CXXC1: variants seen among roughly 807,000 people sequenced by gnomAD.
CXXC1 encodes CXXC-type zinc finger protein 1.
A neutral mutation model predicts 83.6 loss-of-function variants in CXXC1; 21 were observed. The ratio of observed to expected loss-of-function variants is 0.25; its 90% CI spans 0.18 to 0.36. CXXC1 has a LOEUF of 0.36. Ranked by LOEUF, CXXC1 falls within the 10% of genes least tolerant of loss-of-function variation. The probability of loss-of-function intolerance (pLI) is 1.00; values close to 1 mark genes in which losing one functional copy is unlikely to be tolerated. For synonymous variants in CXXC1, 371 were observed against 337.5 expected (o/e 1.10, Z -1.09); for missense variants, 688 against 919.5 (o/e 0.75, Z 3.26).
Position 50,283,692 on chromosome 18 carries a change from C to CT in CXXC1, c.1524+12dup. ...TTCCCACATGGTCCGCCCCCTCAGT[C>CT]TGACACCCCAACCTTGGCGTAGCAG... On this transcript the variant is annotated intron_variant, in intron 11 of 14. Coordinates refer to ENST00000285106, the MANE Select transcript of CXXC1 (RefSeq NM_014593.4). 6.2e-7 allele frequency: 1 copy of CT among 1,613,880 alleles called. No homozygotes were observed. The highest frequency in any genetic ancestry group is 8.5e-7 in the Non-Finnish European group (1 of 1,179,756).
chr18:50,283,631 C>T, intron 11 of CXXC1, 67 bp from the exon 12 acceptor site: 1 of 1,609,758 alleles, frequency 6.2e-7, no homozygotes, highest in South Asian at 1.1e-5. Context: ...AGACACCACC[C>T]AGACAACAAA....
Position 50,285,991 on chromosome 18 carries a change from A to G in CXXC1, c.459+31T>C. The G allele has an allele frequency of 1.9e-6, 3 of 1,613,850 alleles. No homozygotes were observed. The highest frequency in any genetic ancestry group is 2.5e-6 in the Non-Finnish European group (3 of 1,179,952). The stretch of plus-strand genomic sequence containing the variant: ...GGCAGGGCTGAAACGGAACCACTTT[A>G]CACATCCATTCACTTTATGCAGCCA... On this transcript the variant is annotated intron_variant, in intron 4 of 14. Coordinates refer to ENST00000285106, the MANE Select transcript of CXXC1 (RefSeq NM_014593.4). The surrounding 1 kb of genome is among the most constrained non-coding windows in gnomAD (Gnocchi z 4.4).
chr18:50,287,181 C>CCA (rs1159635051), intron 1 of CXXC1: 1 of 516,546 alleles, frequency 1.9e-6, no homozygotes, highest in Non-Finnish European at 3.5e-6. Flanking sequence ...TCGCGGTTCT[C>CCA]CACGCACCCC....
rs754345434 is a variant in CXXC1 at position 50,283,572 on chromosome 18, G to A, written c.1525-8C>T. On this transcript the variant is annotated splice_region_variant and splice_polypyrimidine_tract_variant and intron_variant, in intron 11 of 14. Transcript: ENST00000285106. The stretch of plus-strand genomic sequence containing the variant: ...GGACGTCTGGCTCTCATACTGGAGG[G>A]ATGAGCACAAATGGAGGGAACTGTG... 1.2e-6 allele frequency: 2 copies of A among 1,613,946 alleles called. No homozygotes were observed. Among genetic ancestry groups the A allele is most frequent in the South Asian group, 1.1e-5 (1 of 91,060 alleles).
At position 50,286,761 on chromosome 18, in the gene CXXC1, G is replaced by C; in HGVS notation, c.101C>G (p.Pro34Arg). ...TCACATCATGAAGCAGTTGATGTCCGGTTTGCGGCAGATGCAGTAGATGGG... is the reference window on the plus strand; with the variant it reads ...TCACATCATGAAGCAGTTGATGTCCCGTTTGCGGCAGATGCAGTAGATGGG... ...NAPIYCICRK[P>R]DINCFMIGCD... Residue 34 changes from proline (P) to arginine (R), a missense_variant, in exon 2 of 15, where the codon CCG (proline) becomes CGG (arginine). Physicochemically the swap from Pro to Arg is moderately radical, Grantham distance 103. Coordinates refer to ENST00000285106, the MANE Select transcript of CXXC1 (RefSeq NM_014593.4). 6.2e-7 allele frequency: 1 copy of C among 1,613,926 alleles called. No individual in the cohort carries two copies. Among genetic ancestry groups the C allele is most frequent in the Non-Finnish European group, 8.5e-7 (1 of 1,179,836 alleles).
intron 1 of CXXC1, 120 bp from the exon 2 acceptor site, chr18:50,286,978 G>A (rs1465363905): frequency 6.7e-6 from 5 of 751,662 alleles, no homozygotes; most frequent in African/African-American, 5.2e-5. Flanking sequence ...TCACATCGGG[G>A]CCCCCAAAAA....
At position 50,285,484 on chromosome 18, in the gene CXXC1, C is replaced by T; in HGVS notation, c.640-133G>A. 2 of 1,179,772 alleles carry T rather than the reference C, an allele frequency of 1.7e-6. No homozygotes were observed. Among genetic ancestry groups the T allele is most frequent in the Non-Finnish European group, 2.4e-6 (2 of 848,394 alleles). The allele number at this position is 1,179,772 out of a possible 1,614,324, so 73.1% of individuals were successfully genotyped here. ...GCTACCCCTCATTGCCAGGAATGCTCAGCCCTGCCTGATCTGTACCAACAT... is the reference window on the plus strand; with the variant it reads ...GCTACCCCTCATTGCCAGGAATGCTTAGCCCTGCCTGATCTGTACCAACAT... On this transcript the variant is annotated intron_variant, in intron 5 of 14. Coordinates refer to ENST00000285106, the MANE Select transcript of CXXC1 (RefSeq NM_014593.4). The surrounding 1 kb of genome is among the most constrained non-coding windows in gnomAD (Gnocchi z 4.4).
In CXXC1 at chr18:50,282,427, G is replaced by C. The variant is rs2040488567; in HGVS notation, c.*166C>G. ...GGACTCCGCAGCCCCACCAGGCACT[G>C]AACATGTCGACGGGGACAGTCCCTC... On this transcript the variant is annotated 3_prime_UTR_variant, in exon 15 of 15. Coordinates refer to ENST00000285106, the MANE Select transcript of CXXC1 (RefSeq NM_014593.4). The surrounding 1 kb of genome is among the most constrained non-coding windows in gnomAD (Gnocchi z 5.8). 3 of 848,474 alleles carry C rather than the reference G, an allele frequency of 3.5e-6. No homozygotes were observed. The highest frequency in any genetic ancestry group is 5.6e-6 in the Non-Finnish European group (3 of 531,846). The allele number at this position is 848,474 out of a possible 1,614,324, so 52.6% of individuals were successfully genotyped here.
chr18:50,282,533 C>G lies in CXXC1; in HGVS notation c.*60G>C. 1 of 1,585,728 alleles carries G rather than the reference C, an allele frequency of 6.3e-7. No homozygotes were observed. The highest frequency in any genetic ancestry group is 8.5e-7 in the Non-Finnish European group (1 of 1,169,670). The stretch of plus-strand genomic sequence containing the variant: ...ACAGATGAGTGGAGGAACGGACACA[C>G]GGGCACCGGGCGGCTCCCCCATCTG... On this transcript the variant is annotated 3_prime_UTR_variant, in exon 15 of 15. Transcript: ENST00000285106. This position sits in a 1 kb window ranked among gnomAD's most constrained non-coding sequence, Gnocchi z 5.8.
rs777788786 is a variant in CXXC1 at position 50,282,884 on chromosome 18, A to T, written c.1794T>A (p.Arg598=). ...NRHYCWEKLR[R]AEVDLERVRV... ...GCACGCGCTCCAAGTCCACTTCCGC[A>T]CGCCGCAGCTTCTCCCAGCAGTAAT... The change falls in exon 14 of 15, where the codon CGT becomes CGA. Residue 598 remains arginine, a synonymous_variant. Transcript: ENST00000285106. This position sits in a 1 kb window ranked among gnomAD's most constrained non-coding sequence, Gnocchi z 5.8. 1 of 1,614,176 alleles carries T rather than the reference A, an allele frequency of 6.2e-7. No individual in the cohort carries two copies. Among genetic ancestry groups the T allele is most frequent in the Non-Finnish European group, 8.5e-7 (1 of 1,180,022 alleles).
Position 50,284,536 on chromosome 18 carries a change from C to T in CXXC1, c.1047G>A (p.Arg349=), listed in dbSNP as rs916672320. ...ATTTATCCTTGTGCTTCTGCTTCTG[C>T]CGATGCCGCTTGTATCGCTCCTCCT... is the stretch of plus-strand genomic sequence containing the variant. ...KKKEERYKRH[R]QKQKHKDKWK... The change falls in exon 9 of 15, where the codon CGG becomes CGA. Residue 349 remains arginine, a synonymous_variant. Transcript: ENST00000285106. 1 of 1,592,518 alleles carries T rather than the reference C, an allele frequency of 6.3e-7. No homozygotes were observed.
intron 7 of CXXC1, 35 bp from the exon 8 acceptor site, chr18:50,284,874 G>T (rs761232383): frequency 6.2e-7 from 1 of 1,613,360 alleles, no homozygotes; most frequent in African/African-American, 1.3e-5. Context: ...CACCTGCCCC[G>T]CTCGTGACAA....
chr18:50,282,629 G>A lies in CXXC1; in HGVS notation c.1935C>T (p.Pro645=), dbSNP rs2040522061. ...LMLHQTIQHD[P]LTTDLRSSAD... is the part of the protein sequence containing the mutation. ...CACTGGAGCGCAGGTCGGTAGTGAG[G>A]GGATCGTGCTGGATCGTCTGGTGCA... Residue 645 remains proline, a synonymous_variant, in exon 15 of 15, where the codon CCC becomes CCT. Coordinates refer to ENST00000285106, the MANE Select transcript of CXXC1 (RefSeq NM_014593.4). The surrounding 1 kb of genome is among the most constrained non-coding windows in gnomAD (Gnocchi z 5.8). 1 of 1,612,082 alleles carries A rather than the reference G, an allele frequency of 6.2e-7. No homozygotes were observed. The highest frequency in any genetic ancestry group is 8.5e-7 in the Non-Finnish European group (1 of 1,180,018).
chr18:50,287,673 T>A lies in CXXC1; in HGVS notation c.-84A>T. ...GACCACTCGGCGGCGTCCCAGGCGG[T>A]TGCAAAGGCGCCCACAACTACTTCC... On this transcript the variant is annotated 5_prime_UTR_variant, in exon 1 of 15. Coordinates refer to ENST00000285106, the MANE Select transcript of CXXC1 (RefSeq NM_014593.4). 1 of 1,566,950 alleles carries A rather than the reference T, an allele frequency of 6.4e-7. No individual in the cohort carries two copies. Among genetic ancestry groups the A allele is most frequent in the Middle Eastern group, 1.7e-4 (1 of 5,938 alleles).
At chr18:50,284,217 G>A in intron 9 of CXXC1, 116 bp from the exon 10 acceptor site, 1 of 1,441,612 alleles carries the variant, frequency 6.9e-7, no homozygotes, top group Non-Finnish European at 9.5e-7. Flanking sequence ...ATGGTGGCTG[G>A]ATGGACACAC....
rs570962915 is a variant in CXXC1 at position 50,285,563 on chromosome 18, G to T, written c.639+186C>A. ...ACTCTGTCTACCCAGGGTTGGTGGGGGTGTTCTGCCAGCCCAGCATACCAG... is the reference window on the plus strand; with the variant it reads ...ACTCTGTCTACCCAGGGTTGGTGGGTGTGTTCTGCCAGCCCAGCATACCAG... On this transcript the variant is annotated intron_variant, in intron 5 of 14. Coordinates refer to ENST00000285106, the MANE Select transcript of CXXC1 (RefSeq NM_014593.4). The surrounding 1 kb of genome is among the most constrained non-coding windows in gnomAD (Gnocchi z 4.4). 2.2e-5 allele frequency: 21 copies of T among 962,498 alleles called. No homozygotes were observed. Among genetic ancestry groups the T allele is most frequent in the African/African-American group, 6.6e-5 (4 of 60,658 alleles). 59.6% of individuals were successfully genotyped at this position (962,498 alleles called of 1,614,324 possible).
chr18:50,282,598 G>A lies in CXXC1; in HGVS notation c.1966C>T (p.Arg656Cys), dbSNP rs369886387. Reference sequence around the variant, plus strand: ...AGGGGTCCGGGCCAGGAGGCTCAGCGGTCGGCACTGGAGCGCAGGTCGGTA... The same window carrying A: ...AGGGGTCCGGGCCAGGAGGCTCAGCAGTCGGCACTGGAGCGCAGGTCGGTA... ...LTTDLRSSADR is the reference protein window; with the variant it reads ...LTTDLRSSADC Residue 656 changes from arginine to cysteine, a missense_variant, in exon 15 of 15, where the codon CGC becomes TGC. Physicochemically the swap from Arg to Cys is radical, Grantham distance 180. Coordinates refer to ENST00000285106, the MANE Select transcript of CXXC1 (RefSeq NM_014593.4). This position sits in a 1 kb window ranked among gnomAD's most constrained non-coding sequence, Gnocchi z 5.8. The A allele has an allele frequency of 6.2e-6, 10 of 1,608,680 alleles. No homozygotes were observed. In the African/African-American group the frequency reaches 1.1e-4, roughly 17 times the overall value.
chr18:50,286,695 C>A, intron 2 of CXXC1, 45 bp downstream of exon 2: 1 of 1,609,304 alleles, frequency 6.2e-7, no homozygotes, highest in East Asian at 2.2e-5. Context: ...ATCGGCCTCA[C>A]CCCACCCTGC....
rs2040719599 is a variant in CXXC1, at chr18:50,286,654, G to A, written c.123-15C>T. The A allele has an allele frequency of 3.7e-6, 6 of 1,613,188 alleles. No homozygotes were observed. Among genetic ancestry groups the A allele is most frequent in the South Asian group, 2.2e-5 (2 of 91,058 alleles). On this transcript the variant is annotated splice_polypyrimidine_tract_variant and intron_variant, in intron 2 of 14. Transcript: ENST00000285106. ...TGTCACACCCGCTGCAGAGGATGGGGCAGGCGATGGAGATGTGAGGGGCGC... is the reference window on the plus strand; with the variant it reads ...TGTCACACCCGCTGCAGAGGATGGGACAGGCGATGGAGATGTGAGGGGCGC...
Sources: allele counts gnomAD v4.1 joint callset, GRCh38; gene constraint gnomAD v4.1.1; non-coding constraint Gnocchi (gnomAD v3.1); transcripts MANE v1.5; gene names NCBI Gene and HGNC (gene_info 2026-07-23, HGNC 2026-07-21).